The following RBFOX1 variants were observed in gnomAD, a reference collection of about 807,000 sequenced individuals.
RBFOX1 encodes the protein RNA binding fox-1 homolog 1.
RBFOX1 carries 8 observed loss-of-function variants against 57.7 expected under a neutral mutation model. The ratio of observed to expected loss-of-function variants is 0.14; its 90% confidence interval spans 0.08 to 0.25. The LOEUF is 0.25. Among genes scored for constraint, RBFOX1 ranks in the 10% least tolerant of loss-of-function variants. RBFOX1 has a pLI of 1.00. For missense variants in RBFOX1, 611 were observed against 548.5 expected, an observed-to-expected ratio of 1.11 and a Z score of -1.14; for synonymous variants, 326 against 222.4, an observed-to-expected ratio of 1.47 and a Z score of -4.15.
In RBFOX1 at chr16:7,094,896, C is replaced by G. The variant is rs1186399464; in HGVS notation, c.27+42798C>G. Reference sequence around the variant, plus strand: ...GGATAACGTGTTCTCTTTAATCACACAGACTTTTGCCCCGTCTCTTAATAC... The same window carrying G: ...GGATAACGTGTTCTCTTTAATCACAGAGACTTTTGCCCCGTCTCTTAATAC... On this transcript the variant is annotated intron_variant, in intron 4 of 15. Coordinates refer to ENST00000550418, the MANE Select transcript of RBFOX1 (RefSeq NM_018723.4). Among the ~76,000 whole-genome samples, 5 of 152,018 alleles carry G rather than the reference C, an allele frequency of 3.3e-5. No homozygotes were observed. In the East Asian group the frequency reaches 9.6e-4, roughly 29 times the overall value.
intron 2 of RBFOX1, among the ~76,000 whole-genome samples, chr16:6,390,568 T>C (rs976483532): frequency 6.6e-6 from 1 of 151,514 alleles, no homozygotes; most frequent in African/African-American, 2.4e-5. Flanking sequence ...AAAAAAAGCA[T>C]GGAAGAAACA....
chr16:7,179,882 C>G (rs939111063), intron 4 of RBFOX1, among the ~76,000 whole-genome samples: 2 of 151,874 alleles, frequency 1.3e-5, no homozygotes, highest in African/African-American at 4.8e-5. Flanking sequence ...TAACAGACAT[C>G]TGCCACCACG....
At chr16:6,659,350 C>T (rs961878462) in intron 3 of RBFOX1, among the ~76,000 whole-genome samples, 1 of 151,500 alleles carries the variant, frequency 6.6e-6, no homozygotes, top group Non-Finnish European at 1.5e-5. Flanking sequence ...AGTGGTTTTC[C>T]AAGTTATGGC....
intron 2 of RBFOX1, among the ~76,000 whole-genome samples, chr16:5,524,396 A>G (rs185419581): frequency 8.4e-4 from 128 of 152,352 alleles, no homozygotes; most frequent in African/African-American, 2.9e-3. Flanking sequence ...GGGCAAGCCC[A>G]GTAAGTCACT....
intron 3 of RBFOX1, among the ~76,000 whole-genome samples, chr16:6,907,937 C>T (rs1205870255): frequency 6.6e-6 from 1 of 151,596 alleles, no homozygotes; most frequent in African/African-American, 2.4e-5. Flanking sequence ...CCTGAATCTC[C>T]ACCTGCATGT....
intron 4 of RBFOX1, among the ~76,000 whole-genome samples, chr16:7,477,415 G>A (rs1343570559): frequency 1.3e-5 from 2 of 152,116 alleles, no homozygotes; most frequent in Admixed American, 1.3e-4. Flanking sequence ...GGGGGTCGGG[G>A]GGTGGTTGTG....
chr16:5,558,776 C>T (rs1166473954), intron 2 of RBFOX1, among the ~76,000 whole-genome samples: 1 of 152,126 alleles, frequency 6.6e-6, no homozygotes, highest in Non-Finnish European at 1.5e-5. Flanking sequence ...CAATTCAGAT[C>T]AAGGTGTGTA....
At chr16:6,002,124 A>G (rs372453736) in intron 4 of RBFOX1, among the ~76,000 whole-genome samples, 11 of 152,160 alleles carry the variant, frequency 7.2e-5, no homozygotes, top group African/African-American at 2.2e-4. Flanking sequence ...AGCATGCACC[A>G]CCATGCCCGG....
At chr16:6,250,355 G>C (rs917044971) in intron 1 of RBFOX1, among the ~76,000 whole-genome samples, 10 of 152,108 alleles carry the variant, frequency 6.6e-5, no homozygotes, top group Admixed American at 6.6e-4. Flanking sequence ...AATATTAAGC[G>C]AACTACCTCA....
intron 3 of RBFOX1, among the ~76,000 whole-genome samples, chr16:6,869,712 C>A (rs150293839): frequency 6.6e-6 from 1 of 152,120 alleles, no homozygotes; most frequent in Admixed American, 6.5e-5. Context: ...TTGGCAAAGC[C>A]ATGTGACTCT....
chr16:7,244,795 T>A (rs913639456), intron 4 of RBFOX1, among the ~76,000 whole-genome samples: 1 of 152,224 alleles, frequency 6.6e-6, no homozygotes, highest in African/African-American at 2.4e-5. Flanking sequence ...GGCTGGGTCA[T>A]CAGACATATG....
At chr16:7,608,989 C>G (rs1168924227) in intron 10 of RBFOX1, among the ~76,000 whole-genome samples, 1 of 152,020 alleles carries the variant, frequency 6.6e-6, no homozygotes, top group Non-Finnish European at 1.5e-5. Context: ...GGGGGCATGG[C>G]AGTTTATTCA....
chr16:6,451,327 C>T (rs2153046029), intron 2 of RBFOX1, among the ~76,000 whole-genome samples: 1 of 152,250 alleles, frequency 6.6e-6, no homozygotes, highest in South Asian at 2.1e-4. Flanking sequence ...TGGTTGCTGA[C>T]ATTTATTAGT....
intron 4 of RBFOX1, among the ~76,000 whole-genome samples, chr16:7,298,769 T>A (rs2095960556): frequency 6.6e-6 from 1 of 152,152 alleles, no homozygotes; most frequent in Non-Finnish European, 1.5e-5. Context: ...AGAAAACATA[T>A]TTACTATTGA....
intron 3 of RBFOX1, among the ~76,000 whole-genome samples, chr16:5,707,355 A>G (rs1377397611): frequency 1.3e-5 from 2 of 152,204 alleles, no homozygotes; most frequent in East Asian, 1.9e-4. Flanking sequence ...CAGTTCTTTA[A>G]GAGCCTCAAG....
At chr16:7,309,872 G>A (rs2096270612) in intron 4 of RBFOX1, among the ~76,000 whole-genome samples, 1 of 152,192 alleles carries the variant, frequency 6.6e-6, no homozygotes, top group African/African-American at 2.4e-5. Flanking sequence ...GGGTGTAATT[G>A]TCCCATCTGC....
chr16:6,535,082 G>T (rs1004800798), intron 2 of RBFOX1, among the ~76,000 whole-genome samples: 9 of 152,316 alleles, frequency 5.9e-5, no homozygotes, highest in Middle Eastern at 3.4e-3. Flanking sequence ...TTGGGACCAT[G>T]GTTGGGATGA....
In RBFOX1 at chr16:6,633,468, T is replaced by A. The variant is rs367649644; in HGVS notation, c.-63-21135T>A. ...GATTTTTGCATTTATTATTATTATT[T>A]TTTTTAGTAGAGATGGGTTTTCACC... On this transcript the variant is annotated intron_variant, in intron 2 of 15. Transcript: ENST00000550418. Among the ~76,000 whole-genome samples, 42 of 152,126 alleles carry A rather than the reference T, an allele frequency of 2.8e-4. No homozygotes were observed. In the East Asian group the frequency reaches 7.4e-3, roughly 27 times the overall value.
intron 7 of RBFOX1, among the ~76,000 whole-genome samples, chr16:7,587,872 T>C (rs1250069650): frequency 1.3e-5 from 2 of 152,212 alleles, no homozygotes; most frequent in African/African-American, 4.8e-5. Context: ...AGGTTTGGGT[T>C]CAGGAGAGGT....
Sources: allele counts gnomAD v4.1 joint callset (sites outside exome capture counted in the v4.1 genomes callset), GRCh38; gene constraint gnomAD v4.1.1; transcripts MANE v1.5; gene names NCBI Gene and HGNC (gene_info 2026-07-23, HGNC 2026-07-21).